Variants in UBE2QL1 observed in about 807,000 individuals in gnomAD.
UBE2QL1 encodes ubiquitin-conjugating enzyme E2Q-like protein 1.
Under a neutral mutation model 12.6 loss-of-function variants are expected in UBE2QL1, and 5 were observed. The ratio of observed to expected loss-of-function variants is 0.40; its 90% confidence interval spans 0.21 to 0.83. The LOEUF (loss-of-function observed/expected upper bound fraction) is 0.83. UBE2QL1 is among the 40% of genes least tolerant of loss of function. UBE2QL1 has a pLI of 0.37. For missense variants in UBE2QL1, 99 were observed against 222.6 expected, an observed-to-expected ratio of 0.44 and a Z score of 3.53; for synonymous variants, 96 against 94.5, an observed-to-expected ratio of 1.02 and a Z score of -0.10.
At chr5:6,463,880 G>A (rs1184318163) in intron 1 of UBE2QL1, among the ~76,000 whole-genome samples, 2 of 152,048 alleles carry the variant, frequency 1.3e-5, no homozygotes, top group Non-Finnish European at 2.9e-5. Flanking sequence ...ACCCGCCTCG[G>A]CCTCCCAGAG....
chr5:6,450,933 G>C (rs1310282027), intron 1 of UBE2QL1, among the ~76,000 whole-genome samples: 1 of 152,206 alleles, frequency 6.6e-6, no homozygotes, highest in African/African-American at 2.4e-5. Context: ...ATGCAAGCAT[G>C]GGGGGTAGGG....
chr5:6,473,345 C>G (rs1579295999), intron 1 of UBE2QL1, among the ~76,000 whole-genome samples: 1 of 152,212 alleles, frequency 6.6e-6, no homozygotes, highest in Admixed American at 6.5e-5. Flanking sequence ...GAGTCTAATA[C>G]AGGCCAGTGT....
intron 1 of UBE2QL1, among the ~76,000 whole-genome samples, chr5:6,482,040 G>A (rs759964823): frequency 6.6e-6 from 1 of 152,222 alleles, no homozygotes; most frequent in Non-Finnish European, 1.5e-5. Context: ...TGCTGGGTTA[G>A]GGTGGTCCCT....
intron 1 of UBE2QL1, among the ~76,000 whole-genome samples, chr5:6,467,701 C>A (rs1233165088): frequency 6.6e-6 from 1 of 152,106 alleles, no homozygotes; most frequent in Non-Finnish European, 1.5e-5. Context: ...GCTTTTGCCT[C>A]TCAGATGTCC....
intron 1 of UBE2QL1, among the ~76,000 whole-genome samples, chr5:6,465,907 C>T (rs1416456172): frequency 6.6e-6 from 1 of 152,186 alleles, no homozygotes; most frequent in Non-Finnish European, 1.5e-5. Flanking sequence ...AAAGCGTTTC[C>T]ACTTTCTCCT....
In UBE2QL1 at chr5:6,476,755, T is replaced by C. The variant is rs1251464576; in HGVS notation, c.355-14463T>C. ...TGAGAGATGCCCACTTGCTAATTAA[T>C]GGGTTTCTTCACAGGAAAATGTAGT... is the stretch of plus-strand genomic sequence containing the variant. On this transcript the variant is annotated intron_variant, in intron 1 of 1. Transcript: ENST00000399816. This position sits in a 1 kb window ranked among gnomAD's most constrained non-coding sequence, Gnocchi z 4.9. 2.0e-5 allele frequency among the ~76,000 whole-genome samples: 3 copies of C among 152,182 alleles called. No homozygotes were observed. Among genetic ancestry groups the C allele is most frequent in the Non-Finnish European group, 4.4e-5 (3 of 68,024 alleles).
chr5:6,493,632 C>T lies in UBE2QL1; in HGVS notation c.*2283C>T, dbSNP rs1734618706. Reference sequence around the variant, plus strand: ...GCATTTCCATTAGGTTTGTTAGAAACTTATAGAAGAAATCAATTCTTTAGT... The same window carrying T: ...GCATTTCCATTAGGTTTGTTAGAAATTTATAGAAGAAATCAATTCTTTAGT... On this transcript the variant is annotated 3_prime_UTR_variant, in exon 2 of 2. Coordinates refer to ENST00000399816, the MANE Select transcript of UBE2QL1 (RefSeq NM_001145161.3). 1 of 152,186 alleles carries T rather than the reference C, an allele frequency of 6.6e-6. No homozygotes were observed. The highest frequency in any genetic ancestry group is 2.1e-4 in the South Asian group (1 of 4,832). The allele number at this position is 152,186 out of a possible 1,614,324, so 9.4% of individuals were successfully genotyped here.
intron 1 of UBE2QL1, among the ~76,000 whole-genome samples, chr5:6,453,704 C>CAT (rs1739455025): frequency 1.3e-5 from 1 of 79,542 alleles, no homozygotes; most frequent in Non-Finnish European, 2.7e-5. Flanking sequence ...AGTGCACACA[C>CAT]ATGTGCACAC....
chr5:6,453,713 A>G (rs1374369197), intron 1 of UBE2QL1, among the ~76,000 whole-genome samples: 3 of 83,138 alleles, frequency 3.6e-5, no homozygotes, highest in Admixed American at 2.8e-4. Flanking sequence ...ACATGTGCAC[A>G]CACACACACA....
At chr5:6,488,642 T>A (rs1018699774) in intron 1 of UBE2QL1, among the ~76,000 whole-genome samples, 40 of 151,418 alleles carry the variant, frequency 2.6e-4, no homozygotes, top group East Asian at 5.9e-4. Context: ...ATAAAAAAAA[T>A]TTTTTTAACT....
At position 6,477,096 on chromosome 5, in the gene UBE2QL1, A is replaced by C. The variant is rs893757179; in HGVS notation, c.355-14122A>C. Among the ~76,000 whole-genome samples the C allele has an allele frequency of 5.3e-5, 8 of 152,286 alleles. No homozygotes were observed. The East Asian group carries it at 9.7e-4, about 18-fold the overall frequency. ...ACCCTCTACACACCCCCATGCCTAC[A>C]CCAGCGCCCACACTCTCAGGGCCAG... On this transcript the variant is annotated intron_variant, in intron 1 of 1. Coordinates refer to ENST00000399816, the MANE Select transcript of UBE2QL1 (RefSeq NM_001145161.3).
At position 6,479,107 on chromosome 5, in the gene UBE2QL1, C is replaced by T. The variant is rs549493056; in HGVS notation, c.355-12111C>T. ...GGAGGCGTGGCAGGGTGGAGGCAGC[C>T]GTGGGCATCTAGGGACACACAGCAC... On this transcript the variant is annotated intron_variant, in intron 1 of 1. Coordinates refer to ENST00000399816, the MANE Select transcript of UBE2QL1 (RefSeq NM_001145161.3). The surrounding 1 kb of genome is among the most constrained non-coding windows in gnomAD (Gnocchi z 4.2). Among the ~76,000 whole-genome samples the T allele has an allele frequency of 2.6e-5, 4 of 152,030 alleles. No homozygotes were observed. Among genetic ancestry groups the T allele is most frequent in the Non-Finnish European group, 5.9e-5 (4 of 67,984 alleles).
chr5:6,485,124 G>A (rs1231283669), intron 1 of UBE2QL1, among the ~76,000 whole-genome samples: 1 of 152,004 alleles, frequency 6.6e-6, no homozygotes, highest in Admixed American at 6.5e-5. Flanking sequence ...ATACACAAAT[G>A]CATATGTATG....
At chr5:6,469,962 C>T (rs1268843422) in intron 1 of UBE2QL1, among the ~76,000 whole-genome samples, 5 of 152,272 alleles carry the variant, frequency 3.3e-5, no homozygotes, top group African/African-American at 1.2e-4. Context: ...AGAGGACATT[C>T]GGTGATGGTG....
intron 1 of UBE2QL1, among the ~76,000 whole-genome samples, chr5:6,471,729 C>G (rs1445780806): frequency 6.6e-6 from 1 of 152,180 alleles, no homozygotes; most frequent in Non-Finnish European, 1.5e-5. Context: ...ATCGGAAATC[C>G]TTTTGGGACA....
chr5:6,487,148 C>A (rs554354122), intron 1 of UBE2QL1, among the ~76,000 whole-genome samples: 1 of 152,320 alleles, frequency 6.6e-6, no homozygotes, highest in South Asian at 2.1e-4. Context: ...AAGATGCAGA[C>A]GTGCCAGGCT....
rs1226973886 is a variant in UBE2QL1 at position 6,493,404 on chromosome 5, T to C, written c.*2055T>C. The C allele has an allele frequency of 6.6e-6, 1 of 152,182 alleles. No homozygotes were observed. The highest frequency in any genetic ancestry group is 1.5e-5 in the Non-Finnish European group (1 of 68,024). 9.4% of individuals were successfully genotyped at this position (152,182 alleles called of 1,614,324 possible). A position where few individuals can be genotyped will look rare whatever the true frequency, so the allele number is the denominator to read the frequency against. On this transcript the variant is annotated 3_prime_UTR_variant, in exon 2 of 2. Transcript: ENST00000399816. Reference sequence around the variant, plus strand: ...GCTTTACTTTAGGGGGAAAAATATATCCAAAGGCAGGTCATTTCAGTAGTG... The same window carrying C: ...GCTTTACTTTAGGGGGAAAAATATACCCAAAGGCAGGTCATTTCAGTAGTG...
In UBE2QL1 at chr5:6,451,952, C is replaced by T. The variant is rs11738356; in HGVS notation, c.354+2705C>T. Reference sequence around the variant, plus strand: ...AGGAGAACTGGGACAGCTACCAAACCGATAATTACTTTAAAAGGGAGAGTC... The same window carrying T: ...AGGAGAACTGGGACAGCTACCAAACTGATAATTACTTTAAAAGGGAGAGTC... On this transcript the variant is annotated intron_variant, in intron 1 of 1. Coordinates refer to ENST00000399816, the MANE Select transcript of UBE2QL1 (RefSeq NM_001145161.3). 8.3e-4 allele frequency among the ~76,000 whole-genome samples: 126 copies of T among 152,164 alleles called. 1 individual carries two copies. The highest frequency in any genetic ancestry group is 1.6e-3 in the Admixed American group (24 of 15,296).
At position 6,491,452 on chromosome 5, in the gene UBE2QL1, C is replaced by G; in HGVS notation, c.*103C>G. 1 of 1,396,932 alleles carries G rather than the reference C, an allele frequency of 7.2e-7. No individual in the cohort carries two copies. The allele number at this position is 1,396,932 out of a possible 1,614,324, so 86.5% of individuals were successfully genotyped here. On this transcript the variant is annotated 3_prime_UTR_variant, in exon 2 of 2. Transcript: ENST00000399816. ...ATCCTCCACCCGTTTTTACTCCAGCCAGAACTGCATCCTGAATGCCCAGGA... is the reference window on the plus strand; with the variant it reads ...ATCCTCCACCCGTTTTTACTCCAGCGAGAACTGCATCCTGAATGCCCAGGA...
Sources: gnomAD v4.1 joint callset for allele counts (sites outside exome capture counted in the v4.1 genomes callset) on GRCh38, gnomAD v4.1.1 for gene constraint, Gnocchi (gnomAD v3.1) non-coding constraint, MANE v1.5 for transcripts, NCBI Gene and HGNC (gene_info 2026-07-23, HGNC 2026-07-21) for gene names.